ANKRD45: variants seen among roughly 807,000 people sequenced by gnomAD.
ANKRD45 encodes the protein ankyrin repeat domain-containing protein 45.
A neutral mutation model predicts 28.1 loss-of-function variants in ANKRD45; 21 were observed. That is an observed-to-expected ratio of 0.75 (90% CI 0.53 to 1.08). The LOEUF is 1.08. ANKRD45 is among the 50% of genes least tolerant of loss of function. ANKRD45 has a pLI of 0.00. For missense variants in ANKRD45, 261 were observed against 308.7 expected, an observed-to-expected ratio of 0.85 and a Z score of 1.16; for synonymous variants, 86 against 103.9, an observed-to-expected ratio of 0.83 and a Z score of 1.05.
At chr1:173,662,498 A>T (rs936666071) in intron 1 of ANKRD45, among the ~76,000 whole-genome samples, 5 of 152,208 alleles carry the variant, frequency 3.3e-5, no homozygotes, top group African/African-American at 1.2e-4. Flanking sequence ...CTTTTCACAC[A>T]TAATGAGAAA....
intron 5 of ANKRD45, among the ~76,000 whole-genome samples, chr1:173,619,648 T>G (rs1441220788): frequency 1.3e-5 from 2 of 151,950 alleles, no homozygotes; most frequent in Non-Finnish European, 2.9e-5. Context: ...GCCAACATAG[T>G]GAAACCCAGT....
chr1:173,640,460 T>G (rs1175612784), intron 3 of ANKRD45, among the ~76,000 whole-genome samples: 1 of 152,014 alleles, frequency 6.6e-6, no homozygotes, highest in East Asian at 1.9e-4. Flanking sequence ...GAAAGCAGCT[T>G]CCTCGTCAGA....
chr1:173,714,089 C>T, the ANKRD45 span, among the ~76,000 whole-genome samples: 1 of 150,584 alleles, frequency 6.6e-6, no homozygotes, highest in Non-Finnish European at 1.5e-5. Context: ...TGTGTAGATT[C>T]TACATAAAGA....
chr1:173,668,847 TGAGCATTGGAGG>T (rs1249080802), intron 1 of ANKRD45, among the ~76,000 whole-genome samples: 1 of 152,168 alleles, frequency 6.6e-6, no homozygotes, highest in Non-Finnish European at 1.5e-5. Flanking sequence ...ACAGAGAATA[TGAGCATTGGAGG>T]GAAGAGGGAA....
At chr1:173,621,965 G>A (rs2102321491) in intron 5 of ANKRD45, among the ~76,000 whole-genome samples, 1 of 152,150 alleles carries the variant, frequency 6.6e-6, no homozygotes, top group Non-Finnish European at 1.5e-5. Context: ...AAACTATCAG[G>A]ATACAAACTC....
intron 5 of ANKRD45, among the ~76,000 whole-genome samples, chr1:173,620,187 T>C (rs1378642600): frequency 6.6e-6 from 1 of 152,146 alleles, no homozygotes; most frequent in South Asian, 2.1e-4. Flanking sequence ...TACTCAAAAA[T>C]TGATCACATA....
At chr1:173,619,867 C>T (rs575651364) in intron 5 of ANKRD45, among the ~76,000 whole-genome samples, 1 of 151,148 alleles carries the variant, frequency 6.6e-6, no homozygotes, top group African/African-American at 2.4e-5. Context: ...AAGGGCATTA[C>T]ATAACAATAA....
chr1:173,709,497 A>G, the ANKRD45 span, among the ~76,000 whole-genome samples: 2 of 152,212 alleles, frequency 1.3e-5, no homozygotes, highest in East Asian at 3.8e-4. Flanking sequence ...CACTAGGTTC[A>G]GCCCACACTC....
At chr1:173,617,295 C>A (rs1558117612) in intron 5 of ANKRD45, among the ~76,000 whole-genome samples, 1 of 152,212 alleles carries the variant, frequency 6.6e-6, no homozygotes, top group Non-Finnish European at 1.5e-5. Context: ...ACTTCCACGG[C>A]ACTTCACAAG....
chr1:173,697,387 AG>A, the ANKRD45 span, among the ~76,000 whole-genome samples: 2 of 152,218 alleles, frequency 1.3e-5, no homozygotes, highest in African/African-American at 4.8e-5. Context: ...GTTGAAATGA[AG>A]GAAAAAATGT....
intron 1 of ANKRD45, among the ~76,000 whole-genome samples, chr1:173,668,236 T>C (rs569369215): frequency 2.6e-5 from 4 of 152,186 alleles, no homozygotes; most frequent in Non-Finnish European, 5.9e-5. Flanking sequence ...AGGAAAGTCT[T>C]GCAGGATGCT....
intron 5 of ANKRD45, among the ~76,000 whole-genome samples, chr1:173,624,047 A>C (rs1199983177): frequency 6.6e-6 from 1 of 152,146 alleles, no homozygotes. Flanking sequence ...CCACCATGGC[A>C]CACGTTTACC....
At position 173,646,911 on chromosome 1, in the gene ANKRD45, T is replaced by C. The variant is rs201426931; in HGVS notation, c.431A>G (p.Glu144Gly). Residue 144 changes from glutamate to glycine, a missense_variant, in exon 3 of 6, where the codon GAA (glutamate) becomes GGA (glycine). Coordinates refer to ENST00000333279, the MANE Select transcript of ANKRD45 (RefSeq NM_198493.3). ...TCTAGCAGCAACATCTCGAGCCCTTTCTTCCCGGAAGTTCAAAGCTTCTAT... is the reference window on the plus strand; with the variant it reads ...TCTAGCAGCAACATCTCGAGCCCTTCCTTCCCGGAAGTTCAAAGCTTCTAT... ...VDIEALNFRE[E>G]RARDVAARYS... 1.7e-5 allele frequency: 27 copies of C among 1,614,212 alleles called. No homozygotes were observed. The East Asian group carries it at 4.5e-4, about 27-fold the overall frequency.
At chr1:173,620,356 G>A (rs1667647479) in intron 5 of ANKRD45, among the ~76,000 whole-genome samples, 1 of 152,042 alleles carries the variant, frequency 6.6e-6, no homozygotes, top group African/African-American at 2.4e-5. Context: ...ATGACTCCTG[G>A]GTAAATACTG....
chr1:173,704,754 C>T, the ANKRD45 span, among the ~76,000 whole-genome samples: 4 of 152,228 alleles, frequency 2.6e-5, no homozygotes, highest in Non-Finnish European at 5.9e-5. Context: ...TCTTGAACCA[C>T]TCCTGACACT....
chr1:173,646,818 T>C, intron 3 of ANKRD45, 28 bp downstream of exon 3: 1 of 1,603,618 alleles, frequency 6.2e-7, no homozygotes, highest in Non-Finnish European at 8.5e-7. Context: ...CATCAGTCAG[T>C]TTGCTAACCC....
chr1:173,629,507 T>A (rs1331467793), intron 3 of ANKRD45, among the ~76,000 whole-genome samples: 2 of 151,890 alleles, frequency 1.3e-5, no homozygotes, highest in East Asian at 3.9e-4. Context: ...AAAATGCAAT[T>A]GACATACCAA....
chr1:173,618,610 C>T (rs1014521486), intron 5 of ANKRD45, among the ~76,000 whole-genome samples: 11 of 152,110 alleles, frequency 7.2e-5, no homozygotes, highest in Admixed American at 6.5e-5. Flanking sequence ...AAGGAATGAA[C>T]AAAACCTCTG....
chr1:173,627,189 A>G lies in ANKRD45; in HGVS notation c.497-30T>C, dbSNP rs906020203. The G allele has an allele frequency of 6.9e-6, 10 of 1,439,848 alleles. No homozygotes were observed. In the Admixed American group the frequency reaches 1.5e-4, roughly 22 times the overall value. The allele number at this position is 1,439,848 out of a possible 1,614,324, so 89.2% of individuals were successfully genotyped here. ...AAGAATGGACAGAAACACACACATG[A>G]CAAGACAAACACAAGAGGCAAAGCA... On this transcript the variant is annotated intron_variant, in intron 3 of 5. Coordinates refer to ENST00000333279, the MANE Select transcript of ANKRD45 (RefSeq NM_198493.3).
Sources: allele counts gnomAD v4.1 joint callset (sites outside exome capture counted in the v4.1 genomes callset), GRCh38; gene constraint gnomAD v4.1.1; transcripts MANE v1.5; gene names NCBI Gene and HGNC (gene_info 2026-07-23, HGNC 2026-07-21).